The following CEP85L variants were observed in gnomAD, a reference collection of about 807,000 sequenced individuals.
CEP85L encodes the protein centrosomal protein of 85 kDa-like.
A neutral mutation model predicts 100.3 loss-of-function variants in CEP85L; 60 were observed. The ratio of observed to expected loss-of-function variants is 0.60; its 90% confidence interval spans 0.49 to 0.74. The LOEUF (loss-of-function observed/expected upper bound fraction) is 0.74, where lower values mean the gene tolerates loss of function less well. CEP85L is among the 30% of genes least tolerant of loss of function. The probability of loss-of-function intolerance (pLI) is 0.00; values close to 1 mark genes in which losing one functional copy is unlikely to be tolerated. For synonymous variants in CEP85L, 319 were observed against 322.7 expected (o/e 0.99, Z 0.12); for missense variants, 973 against 936.2 (o/e 1.04, Z -0.51).
intron 1 of CEP85L, among the ~76,000 whole-genome samples, chr6:118,650,159 G>A (rs1051672344): frequency 6.6e-6 from 1 of 152,128 alleles, no homozygotes; most frequent in Admixed American, 6.6e-5. Flanking sequence ...TGTGGAGCAA[G>A]GTTACTTAAC....
chr6:118,618,967 C>A (rs1012825456), intron 2 of CEP85L, among the ~76,000 whole-genome samples: 1 of 152,046 alleles, frequency 6.6e-6, no homozygotes, highest in Non-Finnish European at 1.5e-5. Context: ...ATCTAGTGGT[C>A]AATGGGTGCA....
rs184238920 is a variant in CEP85L at position 118,521,875 on chromosome 6, T to C, written c.1139+1927A>G. ...ACTTGAGTTATTTTGAATTATTCCT[T>C]AGTCTGATTCTACAATATATAAAAT... On this transcript the variant is annotated intron_variant, in intron 4 of 12. Coordinates refer to ENST00000368491, the MANE Select transcript of CEP85L (RefSeq NM_001042475.3). Among the ~76,000 whole-genome samples, 18 of 152,304 alleles carry C rather than the reference T, an allele frequency of 1.2e-4. No homozygotes were observed. In the East Asian group the frequency reaches 2.3e-3, roughly 20 times the overall value.
intron 5 of CEP85L, among the ~76,000 whole-genome samples, chr6:118,509,969 G>A (rs1156248371): frequency 2.0e-5 from 3 of 151,944 alleles, no homozygotes; most frequent in African/African-American, 7.2e-5. Context: ...CTCTCCTTAT[G>A]GGCAAAATTA....
At chr6:118,540,684 G>A (rs1278751465) in intron 3 of CEP85L, among the ~76,000 whole-genome samples, 3 of 151,950 alleles carry the variant, frequency 2.0e-5, no homozygotes, top group East Asian at 1.9e-4. Flanking sequence ...TTGAACCTGG[G>A]AGGCGAAGCT....
At chr6:118,551,697 G>C (rs1227029089) in intron 3 of CEP85L, among the ~76,000 whole-genome samples, 1 of 152,012 alleles carries the variant, frequency 6.6e-6, no homozygotes, top group Non-Finnish European at 1.5e-5. Context: ...TTAGGAATGA[G>C]AATATATTGA....
At chr6:118,656,475 C>G (rs147749077), upstream of CEP85L, among the ~76,000 whole-genome samples, 34 of 152,262 alleles carry the variant, frequency 2.2e-4, no homozygotes, top group African/African-American at 8.2e-4. Flanking sequence ...AGAGATGAGA[C>G]AGTGGAGGAA....
At chr6:118,680,488 G>A (rs990731333) in intron 1 of CEP85L, among the ~76,000 whole-genome samples, 1 of 152,088 alleles carries the variant, frequency 6.6e-6, no homozygotes, top group African/African-American at 2.4e-5. Flanking sequence ...TTGTAGGACT[G>A]ACATGTGTAC....
At chr6:118,604,134 T>G in intron 2 of CEP85L, among the ~76,000 whole-genome samples, 1 of 152,204 alleles carries the variant, frequency 6.6e-6, no homozygotes, top group East Asian at 1.9e-4. Flanking sequence ...TAAGCCAAAT[T>G]TCACCTTTAT....
At chr6:118,616,850 C>G (rs1190559461) in intron 2 of CEP85L, among the ~76,000 whole-genome samples, 2 of 151,190 alleles carry the variant, frequency 1.3e-5, no homozygotes, top group African/African-American at 4.9e-5. Context: ...GAGGCTGAGG[C>G]AGGAGAATCA....
chr6:118,537,731 C>G (rs1192559180), intron 3 of CEP85L: 30 of 985,240 alleles, frequency 3.0e-5, no homozygotes, highest in Non-Finnish European at 3.5e-5. Flanking sequence ...TGGACAAATA[C>G]TGTTAAATTT....
intron 1 of CEP85L, among the ~76,000 whole-genome samples, chr6:118,678,360 C>G (rs1257186311): frequency 6.6e-6 from 1 of 152,132 alleles, no homozygotes; most frequent in South Asian, 2.1e-4. Flanking sequence ...TTGGGTAATG[C>G]TACAATTTGA....
chr6:118,643,225 ACT>A (rs768077927), intron 1 of CEP85L, among the ~76,000 whole-genome samples: 1 of 152,214 alleles, frequency 6.6e-6, no homozygotes, highest in Non-Finnish European at 1.5e-5. Flanking sequence ...TTCTAGTCCA[ACT>A]TTTCAGTACA....
At chr6:118,545,483 G>C (rs1316966869) in intron 3 of CEP85L, among the ~76,000 whole-genome samples, 1 of 152,190 alleles carries the variant, frequency 6.6e-6, no homozygotes. Context: ...AGCTACTTGG[G>C]AGGCTGAGGC....
intron 2 of CEP85L, among the ~76,000 whole-genome samples, chr6:118,566,983 T>A (rs1169431569): frequency 1.3e-5 from 2 of 152,066 alleles, no homozygotes; most frequent in African/African-American, 4.8e-5. Context: ...CAATGAAGTC[T>A]CAGACACAAC....
At chr6:118,570,505 A>C (rs1779825256) in intron 2 of CEP85L, among the ~76,000 whole-genome samples, 1 of 152,222 alleles carries the variant, frequency 6.6e-6, no homozygotes, top group Non-Finnish European at 1.5e-5. Flanking sequence ...ATTTCACATC[A>C]GACTAGTGTT....
intron 2 of CEP85L, among the ~76,000 whole-genome samples, chr6:118,631,635 T>C (rs529854989): frequency 6.6e-6 from 1 of 152,204 alleles, no homozygotes. Context: ...TGAATGCTAC[T>C]CATCAATAAA....
intron 1 of CEP85L, among the ~76,000 whole-genome samples, chr6:118,707,951 G>C (rs1463357997): frequency 7.5e-6 from 1 of 133,994 alleles, no homozygotes; most frequent in Non-Finnish European, 1.6e-5. Context: ...TAGAAATATG[G>C]GAGAAAGAGT....
At chr6:118,633,367 G>A (rs750807410) in intron 1 of CEP85L, among the ~76,000 whole-genome samples, 19 of 151,722 alleles carry the variant, frequency 1.3e-4, no homozygotes, top group African/African-American at 2.4e-4. Context: ...ACCACACCCC[G>A]CTAATTTTTG....
intron 2 of CEP85L, among the ~76,000 whole-genome samples, chr6:118,600,296 TGGG>T (rs1554228034): frequency 0.023 from 774 of 34,150 alleles, 144 homozygotes; most frequent in African/African-American, 0.057. Context: ...TGAGCCTTCC[TGGG>T]GGTGTGTGTG....
Sources: gnomAD v4.1 joint callset for allele counts (sites outside exome capture counted in the v4.1 genomes callset) on GRCh38, gnomAD v4.1.1 for gene constraint, MANE v1.5 for transcripts, NCBI Gene and HGNC (gene_info 2026-07-23, HGNC 2026-07-21) for gene names.